LINGO1: variants seen among roughly 807,000 people sequenced by gnomAD.
LINGO1 encodes leucine rich repeat and Ig domain containing 1.
A neutral mutation model predicts 37.3 loss-of-function variants in LINGO1; 11 were observed. That is an observed-to-expected ratio of 0.29 (90% CI 0.19 to 0.49). LINGO1 has a LOEUF of 0.49. Ranked by LOEUF, LINGO1 falls within the 20% of genes least tolerant of loss-of-function variation. The pLI is 0.99. For synonymous variants in LINGO1, 387 were observed against 403.0 expected (o/e 0.96, Z 0.48); for missense variants, 585 against 878.2 (o/e 0.67, Z 4.22).
chr15:77,756,985 T>C (rs2076426610), intron 1 of LINGO1, among the ~76,000 whole-genome samples: 1 of 152,110 alleles, frequency 6.6e-6, no homozygotes, highest in Non-Finnish European at 1.5e-5. Flanking sequence ...TCCCCACCCA[T>C]ACCTTCAGCC....
chr15:77,702,500 C>T (rs1363956047), intron 2 of LINGO1, among the ~76,000 whole-genome samples: 2 of 152,138 alleles, frequency 1.3e-5, no homozygotes, highest in South Asian at 2.1e-4. Flanking sequence ...ATTTGGAAAG[C>T]CTCAACAAAA....
At chr15:77,650,127 T>C (rs1270774009) in intron 3 of LINGO1, among the ~76,000 whole-genome samples, 3 of 152,228 alleles carry the variant, frequency 2.0e-5, no homozygotes, top group Non-Finnish European at 2.9e-5. Flanking sequence ...TGAAGGTGCT[T>C]TGCTGGCCCT....
In LINGO1 at chr15:77,654,895, C is replaced by T. The variant is rs180765254; in HGVS notation, c.-13+22194G>A. On this transcript the variant is annotated intron_variant, in intron 3 of 3. Coordinates refer to the LINGO1 transcript ENST00000559893. ...TTGGGCTCTGTTGCTATTGGAGGCA[C>T]CAGCCAGAGCTGAGGTGGCCCTGAT... Among the ~76,000 whole-genome samples the T allele has an allele frequency of 1.7e-3, 256 of 152,300 alleles. 1 individual carries two copies. The highest frequency in any genetic ancestry group is 9.7e-4 in the Non-Finnish European group (66 of 68,022).
At chr15:77,776,456 G>GGCAGGAAGGCAGGAAGGCAGGAAA (rs2076642535) in intron 1 of LINGO1, among the ~76,000 whole-genome samples, 6 of 121,956 alleles carry the variant, frequency 4.9e-5, no homozygotes, top group African/African-American at 1.6e-4. Flanking sequence ...TTAGCAGGAA[G>GGCAGGAAGGCAGGAAGGCAGGAAA]GCAGGAAGGC....
At chr15:77,706,460 C>A (rs575176200) in intron 2 of LINGO1, among the ~76,000 whole-genome samples, 1 of 152,142 alleles carries the variant, frequency 6.6e-6, no homozygotes, top group African/African-American at 2.4e-5. Context: ...CCAAAACCCA[C>A]CCACCCTCCT....
intron 1 of LINGO1, among the ~76,000 whole-genome samples, chr15:77,749,706 C>T (rs1035670259): frequency 6.6e-6 from 1 of 152,246 alleles, no homozygotes; most frequent in Non-Finnish European, 1.5e-5. Flanking sequence ...TCCAACCCAA[C>T]TCAGCCCTCC....
intron 3 of LINGO1, chr15:77,648,175 T>C: frequency 3.0e-6 from 1 of 331,598 alleles, no homozygotes; most frequent in Non-Finnish European, 5.9e-6. Flanking sequence ...ATCACCCAGA[T>C]ACAATAATAA....
chr15:77,630,948 T>A (rs553525149), intron 1 of LINGO1, among the ~76,000 whole-genome samples: 1 of 152,288 alleles, frequency 6.6e-6, no homozygotes, highest in South Asian at 2.1e-4. Context: ...AGGCATGCCA[T>A]CCCAGTAGAC....
rs368896432 is a variant in LINGO1 at position 77,750,142 on chromosome 15, C to T, written c.-256-15089G>A. Among the ~76,000 whole-genome samples the T allele has an allele frequency of 1.2e-4, 18 of 152,254 alleles. No homozygotes were observed. The East Asian group carries it at 2.5e-3, about 21-fold the overall frequency. ...CAGGGGCCACGTCCCCGATGCCCCCCGAGACAGCCTTGCCAATGGCCCCTT... is the reference window on the plus strand; with the variant it reads ...CAGGGGCCACGTCCCCGATGCCCCCTGAGACAGCCTTGCCAATGGCCCCTT... On this transcript the variant is annotated intron_variant, in intron 1 of 3. Coordinates refer to the LINGO1 transcript ENST00000561686.
Position 77,716,950 on chromosome 15 carries a change from A to C in LINGO1, c.-195+18042T>G, listed in dbSNP as rs74025399. On this transcript the variant is annotated intron_variant, in intron 2 of 3. Coordinates refer to the LINGO1 transcript ENST00000561686. ...GATTCCAGCCATTTCCCTTATTCTC[A>C]CTTGCATTTAGCAGGACGTAGATAA... Among the ~76,000 whole-genome samples the C allele has an allele frequency of 1.6e-3, 237 of 150,372 alleles. 2 individuals are homozygous for C. The highest frequency in any genetic ancestry group is 5.5e-3 in the African/African-American group (228 of 41,396).
chr15:77,648,072 A>G, intron 3 of LINGO1: 2 of 381,830 alleles, frequency 5.2e-6, no homozygotes, highest in Non-Finnish European at 1.0e-5. Context: ...AGAGGGTGGT[A>G]AGTGGGGAGG....
intron 1 of LINGO1, among the ~76,000 whole-genome samples, chr15:77,797,686 C>T (rs185462263): frequency 7.9e-5 from 12 of 152,310 alleles, no homozygotes; most frequent in East Asian, 5.8e-4. Flanking sequence ...CCTTTCTGCT[C>T]GATTCCCTGT....
At chr15:77,736,660 G>A (rs1458194007) in intron 1 of LINGO1, among the ~76,000 whole-genome samples, 1 of 152,214 alleles carries the variant, frequency 6.6e-6, no homozygotes, top group Non-Finnish European at 1.5e-5. Flanking sequence ...TGTGGTCCTA[G>A]TTACTCAGGA....
At chr15:77,807,333 T>C (rs1849644002) in intron 1 of LINGO1, among the ~76,000 whole-genome samples, 1 of 152,242 alleles carries the variant, frequency 6.6e-6, no homozygotes, top group Non-Finnish European at 1.5e-5. Context: ...TCCTGTGCAT[T>C]CCCAGTGCTT....
chr15:77,618,294 C>T (rs993270595), intron 1 of LINGO1, among the ~76,000 whole-genome samples: 15 of 152,180 alleles, frequency 9.9e-5, no homozygotes, highest in Non-Finnish European at 1.6e-4. Flanking sequence ...CTTGCACCAC[C>T]GGGCCTCAAC....
intron 1 of LINGO1, among the ~76,000 whole-genome samples, chr15:77,815,696 G>A (rs771644010): frequency 2.0e-4 from 30 of 152,060 alleles, no homozygotes; most frequent in Non-Finnish European, 3.5e-4. Flanking sequence ...AGCCCTCGCC[G>A]AACTCTGACG....
At chr15:77,700,095 A>AG (rs1277410117), upstream of LINGO1, among the ~76,000 whole-genome samples, 1 of 152,108 alleles carries the variant, frequency 6.6e-6, no homozygotes, top group East Asian at 1.9e-4. Context: ...GAACCAGCAG[A>AG]GGGGAGGGCT....
chr15:77,743,788 C>G (rs1304417987), intron 1 of LINGO1, among the ~76,000 whole-genome samples: 3 of 150,606 alleles, frequency 2.0e-5, no homozygotes, highest in Non-Finnish European at 4.4e-5. Context: ...ATCAAAAGGG[C>G]TGAAGGGGGT....
upstream of LINGO1, among the ~76,000 whole-genome samples, chr15:77,790,578 G>A (rs2076810865): frequency 6.6e-6 from 1 of 152,144 alleles, no homozygotes; most frequent in South Asian, 2.1e-4. Context: ...AGAAGACTGG[G>A]GAGGCACAGA....
Sources: allele counts gnomAD v4.1 joint callset (sites outside exome capture counted in the v4.1 genomes callset), GRCh38; gene constraint gnomAD v4.1.1; transcripts MANE v1.5; gene names NCBI Gene and HGNC (gene_info 2026-07-23, HGNC 2026-07-21).